The following OSBPL10 variants were observed in gnomAD, a reference collection of about 807,000 sequenced individuals.
OSBPL10 encodes oxysterol-binding protein-related protein 10.
A neutral mutation model predicts 81.7 loss-of-function variants in OSBPL10; 49 were observed. The ratio of observed to expected loss-of-function variants is 0.60; its 90% CI spans 0.48 to 0.76. The LOEUF (loss-of-function observed/expected upper bound fraction) is 0.76, where lower values mean the gene tolerates loss of function less well. Ranked by LOEUF, OSBPL10 falls within the 30% of genes least tolerant of loss-of-function variation. OSBPL10 has a pLI of 0.00. For missense variants in OSBPL10, 923 were observed against 987.8 expected, an observed-to-expected ratio of 0.93 and a Z score of 0.88; for synonymous variants, 419 against 383.6, an observed-to-expected ratio of 1.09 and a Z score of -1.08.
At chr3:32,068,987 C>A (rs368567386) in intron 1 of OSBPL10, among the ~76,000 whole-genome samples, 2 of 152,136 alleles carry the variant, frequency 1.3e-5, no homozygotes, top group South Asian at 2.1e-4. Flanking sequence ...ACCTCCCCTC[C>A]CCACACCCGG....
At chr3:31,689,947 T>C (rs1695479571) in intron 7 of OSBPL10, among the ~76,000 whole-genome samples, 1 of 151,900 alleles carries the variant, frequency 6.6e-6, no homozygotes, top group African/African-American at 2.4e-5. Context: ...GGGAAACAGC[T>C]TGAGAACTAG....
At chr3:31,810,092 A>C (rs1158751327) in intron 4 of OSBPL10, among the ~76,000 whole-genome samples, 1 of 152,022 alleles carries the variant, frequency 6.6e-6, no homozygotes, top group Non-Finnish European at 1.5e-5. Flanking sequence ...GCTGGTCTCG[A>C]ACTCCTGACC....
intron 1 of OSBPL10, among the ~76,000 whole-genome samples, chr3:31,966,132 TACAACA>T (rs1300657864): frequency 1.4e-5 from 2 of 144,788 alleles, no homozygotes; most frequent in Admixed American, 1.4e-4. Context: ...CCATCTCTAC[TACAACA>T]ACAACAACAA....
intron 1 of OSBPL10, among the ~76,000 whole-genome samples, chr3:32,067,749 C>T (rs1320923603): frequency 2.0e-5 from 3 of 152,164 alleles, no homozygotes; most frequent in Non-Finnish European, 2.9e-5. Context: ...ACCCACTACC[C>T]ACAAAACATT....
At chr3:31,893,677 A>C (rs530728451) in intron 1 of OSBPL10, among the ~76,000 whole-genome samples, 1 of 152,126 alleles carries the variant, frequency 6.6e-6, no homozygotes, top group Non-Finnish European at 1.5e-5. Flanking sequence ...TATCCATCCC[A>C]TGGCATACTA....
At chr3:31,914,484 C>A (rs1373862840) in intron 1 of OSBPL10, among the ~76,000 whole-genome samples, 1 of 152,166 alleles carries the variant, frequency 6.6e-6, no homozygotes, top group Admixed American at 6.5e-5. Flanking sequence ...CTAACCACAG[C>A]ACTCTTTTTG....
At chr3:31,719,222 G>C (rs1434570747) in intron 6 of OSBPL10, among the ~76,000 whole-genome samples, 1 of 152,166 alleles carries the variant, frequency 6.6e-6, no homozygotes, top group African/African-American at 2.4e-5. Context: ...GGATCTTCAT[G>C]AGAAAAAATT....
At chr3:31,675,945 C>CA (rs773575072) in intron 8 of OSBPL10, among the ~76,000 whole-genome samples, 7,024 of 58,624 alleles carry the variant, frequency 0.12, 903 homozygotes, top group African/African-American at 0.3. Flanking sequence ...GACTCCATCT[C>CA]AAAAAAAAAA....
chr3:31,878,872 T>A (rs1478685587), intron 2 of OSBPL10, among the ~76,000 whole-genome samples: 1 of 151,896 alleles, frequency 6.6e-6, no homozygotes, highest in Non-Finnish European at 1.5e-5. Flanking sequence ...GGCATTTAGA[T>A]TTGTTGTTTC....
At chr3:31,739,303 C>T (rs576314165) in intron 5 of OSBPL10, among the ~76,000 whole-genome samples, 5 of 151,908 alleles carry the variant, frequency 3.3e-5, no homozygotes, top group South Asian at 2.1e-4. Flanking sequence ...AAGGAAAGGA[C>T]GAAGGGAGAA....
intron 1 of OSBPL10, among the ~76,000 whole-genome samples, chr3:31,931,471 C>T (rs1697248375): frequency 6.6e-6 from 1 of 152,178 alleles, no homozygotes. Context: ...TACTCCACCA[C>T]CAGATTCAAC....
At chr3:31,803,590 T>C (rs1699446956) in intron 4 of OSBPL10, among the ~76,000 whole-genome samples, 1 of 152,192 alleles carries the variant, frequency 6.6e-6, no homozygotes, top group Admixed American at 6.5e-5. Context: ...TACATAAAAG[T>C]AGTTATTCAA....
At chr3:31,669,743 G>A (rs763181159) in intron 9 of OSBPL10, among the ~76,000 whole-genome samples, 9 of 152,208 alleles carry the variant, frequency 5.9e-5, no homozygotes, top group Non-Finnish European at 1.2e-4. Context: ...CCACAGGAAC[G>A]GGGATGCCTG....
intron 6 of OSBPL10, among the ~76,000 whole-genome samples, chr3:31,717,500 GA>G (rs200387541): frequency 1.3e-5 from 2 of 151,752 alleles, no homozygotes; most frequent in African/African-American, 4.8e-5. Flanking sequence ...GCATTTTGTA[GA>G]AAAAAAAGAA....
At chr3:31,912,638 C>T (rs753273294) in intron 1 of OSBPL10, among the ~76,000 whole-genome samples, 3 of 152,174 alleles carry the variant, frequency 2.0e-5, no homozygotes, top group Admixed American at 2.0e-4. Flanking sequence ...TTGAGCATGT[C>T]TCTCCTTTGA....
At chr3:31,706,022 T>G (rs1696053169) in intron 6 of OSBPL10, among the ~76,000 whole-genome samples, 1 of 152,180 alleles carries the variant, frequency 6.6e-6, no homozygotes, top group Non-Finnish European at 1.5e-5. Flanking sequence ...AAATATGTTT[T>G]AAAGAGAAGC....
chr3:31,792,435 G>A (rs932112456), intron 4 of OSBPL10, among the ~76,000 whole-genome samples: 2 of 152,108 alleles, frequency 1.3e-5, no homozygotes, highest in Non-Finnish European at 2.9e-5. Context: ...GTTGCAAAAT[G>A]GTTCCCCCTC....
chr3:31,941,866 A>C (rs994549616), intron 1 of OSBPL10, among the ~76,000 whole-genome samples: 1 of 152,220 alleles, frequency 6.6e-6, no homozygotes, highest in Non-Finnish European at 1.5e-5. Flanking sequence ...TGCTAGCTGT[A>C]TTTCTTCAAG....
intron 1 of OSBPL10, among the ~76,000 whole-genome samples, chr3:31,968,102 C>T (rs539631711): frequency 6.6e-6 from 1 of 152,034 alleles, no homozygotes; most frequent in East Asian, 1.9e-4. Flanking sequence ...ATTATTTTTT[C>T]TTTCTGTGTG....
Sources: allele counts gnomAD v4.1 joint callset (sites outside exome capture counted in the v4.1 genomes callset), GRCh38; gene constraint gnomAD v4.1.1; transcripts MANE v1.5; gene names NCBI Gene and HGNC (gene_info 2026-07-23, HGNC 2026-07-21).